CLIC5: variants seen among roughly 807,000 people sequenced by gnomAD.
CLIC5 encodes the protein chloride intracellular channel protein 5.
CLIC5 carries 20 observed loss-of-function variants against 24.7 expected under a neutral mutation model. That is an observed-to-expected ratio of 0.81 (90% CI 0.57 to 1.18). The LOEUF is 1.18. Among genes scored for constraint, CLIC5 ranks in the 50% most tolerant of loss-of-function variants. The pLI, the probability that CLIC5 is intolerant of heterozygous loss-of-function variation, is 0.00. For missense variants in CLIC5, 341 were observed against 326.1 expected, an observed-to-expected ratio of 1.05 and a Z score of -0.35; for synonymous variants, 159 against 135.6, an observed-to-expected ratio of 1.17 and a Z score of -1.20.
chr6:46,061,514 G>A (rs551810845), intron 1 of CLIC5, among the ~76,000 whole-genome samples: 1 of 152,188 alleles, frequency 6.6e-6, no homozygotes, highest in South Asian at 2.1e-4. Context: ...GACTGAGAAG[G>A]GTGGTCAAGT....
At chr6:45,892,368 C>A (rs1479506951) in intron 6 of CLIC5, 1 of 152,202 alleles carries the variant, frequency 6.6e-6, no homozygotes, top group Non-Finnish European at 1.5e-5. Context: ...AAAGGAGTGA[C>A]CACACCTTGG....
intron 1 of CLIC5, among the ~76,000 whole-genome samples, chr6:45,997,917 C>T (rs1766210164): frequency 6.6e-6 from 1 of 152,206 alleles, no homozygotes; most frequent in Non-Finnish European, 1.5e-5. Context: ...ACCCAGCAGG[C>T]CCAGGAATGT....
At chr6:45,977,993 CA>C (rs1339575264) in intron 1 of CLIC5, among the ~76,000 whole-genome samples, 1 of 152,138 alleles carries the variant, frequency 6.6e-6, no homozygotes, top group Non-Finnish European at 1.5e-5. Flanking sequence ...AGCAAGAAGA[CA>C]AAAGACAATA....
At chr6:46,102,229 C>T in the CLIC5 span, among the ~76,000 whole-genome samples, 5 of 152,102 alleles carry the variant, frequency 3.3e-5, no homozygotes, top group South Asian at 2.1e-4. Context: ...CAACAAAGTA[C>T]GAGCAGCAAT....
chr6:46,063,901 T>C (rs1762363348), intron 1 of CLIC5, among the ~76,000 whole-genome samples: 2 of 152,168 alleles, frequency 1.3e-5, no homozygotes, highest in African/African-American at 4.8e-5. Flanking sequence ...CACTTAACTA[T>C]ATCCCAGAAT....
rs1047982998 is a variant in CLIC5 at position 45,974,297 on chromosome 6, A to C, written c.64-19053T>G. On this transcript the variant is annotated intron_variant, in intron 1 of 5. Transcript: ENST00000339561. ...TCTGCCTATCAGTCAGAGTGACAGC[A>C]AGAGTCAAATGAGACCATGTGCATA... 5.3e-5 allele frequency among the ~76,000 whole-genome samples: 8 copies of C among 151,932 alleles called. 1 individual carries two copies.
intron 1 of CLIC5, among the ~76,000 whole-genome samples, chr6:46,030,019 T>C (rs777704694): frequency 3.9e-5 from 6 of 152,122 alleles, no homozygotes; most frequent in Non-Finnish European, 8.8e-5. Flanking sequence ...CTCATGAAGG[T>C]CCCTGCCTTG....
At chr6:45,964,353 C>G (rs925208804) in intron 1 of CLIC5, among the ~76,000 whole-genome samples, 2 of 152,194 alleles carry the variant, frequency 1.3e-5, no homozygotes, top group African/African-American at 4.8e-5. Flanking sequence ...TCCTTCATAA[C>G]CTTTCCACAG....
chr6:46,068,780 G>A (rs1762510637), intron 1 of CLIC5, among the ~76,000 whole-genome samples: 1 of 152,136 alleles, frequency 6.6e-6, no homozygotes, highest in Admixed American at 6.5e-5. Context: ...TGAAGACACA[G>A]AGAGAAAGAA....
At chr6:46,067,850 C>T (rs1339790854) in intron 1 of CLIC5, among the ~76,000 whole-genome samples, 9 of 152,134 alleles carry the variant, frequency 5.9e-5, no homozygotes, top group African/African-American at 2.2e-4. Context: ...TCTGGGGGTT[C>T]CCATTCAATC....
intron 1 of CLIC5, among the ~76,000 whole-genome samples, chr6:46,006,348 A>C (rs1414086776): frequency 0.023 from 3,436 of 151,268 alleles, 53 homozygotes; most frequent in Non-Finnish European, 0.036. Context: ...GTTTCACCAT[A>C]TTGGCCAGGC....
intron 1 of CLIC5, among the ~76,000 whole-genome samples, chr6:46,011,928 C>T (rs896638538): frequency 9.9e-5 from 15 of 152,164 alleles, no homozygotes; most frequent in Non-Finnish European, 1.6e-4. Flanking sequence ...AAATCAGGGA[C>T]GTGCAGGTCC....
intron 5 of CLIC5, among the ~76,000 whole-genome samples, chr6:45,903,666 C>A (rs1196877054): frequency 1.3e-5 from 2 of 152,080 alleles, no homozygotes; most frequent in East Asian, 1.9e-4. Flanking sequence ...AAAAATGATG[C>A]TGCTAAGAAA....
the CLIC5 span, among the ~76,000 whole-genome samples, chr6:46,086,356 A>G: frequency 1.3e-5 from 2 of 152,260 alleles, no homozygotes; most frequent in Non-Finnish European, 2.9e-5. Context: ...TGGGAGCTGT[A>G]GACCGGAGCT....
At chr6:46,011,758 T>G (rs922132286) in intron 1 of CLIC5, among the ~76,000 whole-genome samples, 2 of 152,258 alleles carry the variant, frequency 1.3e-5, no homozygotes, top group African/African-American at 4.8e-5. Flanking sequence ...GTTTTGCTTT[T>G]ACTTCCTTGC....
intron 1 of CLIC5, among the ~76,000 whole-genome samples, chr6:45,986,303 C>A (rs1000425198): frequency 2.0e-5 from 3 of 152,134 alleles, no homozygotes; most frequent in Admixed American, 1.3e-4. Flanking sequence ...TGGTCAGAAT[C>A]CTTGGTACCA....
intron 1 of CLIC5, among the ~76,000 whole-genome samples, chr6:45,980,833 C>A (rs1281498006): frequency 1.3e-5 from 2 of 152,070 alleles, no homozygotes; most frequent in Admixed American, 6.6e-5. Context: ...AAGAAATTGT[C>A]TTCTTCCACT....
intron 1 of CLIC5, among the ~76,000 whole-genome samples, chr6:45,958,691 G>A (rs1764749650): frequency 6.6e-6 from 1 of 151,438 alleles, no homozygotes; most frequent in South Asian, 2.1e-4. Context: ...GTTATATGCT[G>A]GATACTTCAT....
At chr6:46,013,900 C>T (rs1766894672) in intron 1 of CLIC5, among the ~76,000 whole-genome samples, 1 of 152,206 alleles carries the variant, frequency 6.6e-6, no homozygotes, top group African/African-American at 2.4e-5. Context: ...TCCCTATTCA[C>T]CCCTAGGGCC....
Sources: allele counts gnomAD v4.1 joint callset (sites outside exome capture counted in the v4.1 genomes callset), GRCh38; gene constraint gnomAD v4.1.1; transcripts MANE v1.5; gene names NCBI Gene and HGNC (gene_info 2026-07-23, HGNC 2026-07-21).